MACROD2: variants seen among roughly 807,000 people sequenced by gnomAD.
MACROD2 encodes ADP-ribose glycohydrolase MACROD2.
A neutral mutation model predicts 70.4 loss-of-function variants in MACROD2; 36 were observed. The ratio of observed to expected loss-of-function variants is 0.51; its 90% CI spans 0.39 to 0.68. The LOEUF (loss-of-function observed/expected upper bound fraction) is 0.68. Ranked by LOEUF, MACROD2 falls within the 30% of genes least tolerant of loss-of-function variation. The probability of loss-of-function intolerance (pLI) is 0.00; values close to 1 mark genes in which losing one functional copy is unlikely to be tolerated. For synonymous variants in MACROD2, 172 were observed against 178.8 expected, an observed-to-expected ratio of 0.96 and a Z score of 0.30; for missense variants, 496 against 538.4, an observed-to-expected ratio of 0.92 and a Z score of 0.78.
At chr20:15,659,502 G>A (rs570315941) in intron 8 of MACROD2, among the ~76,000 whole-genome samples, 52 of 151,634 alleles carry the variant, frequency 3.4e-4, no homozygotes, top group African/African-American at 1.2e-3. Context: ...GAAGTTTTTT[G>A]TTGCTTCCCA....
chr20:15,266,890 C>T (rs1367831896), intron 6 of MACROD2, among the ~76,000 whole-genome samples: 1 of 152,324 alleles, frequency 6.6e-6, no homozygotes. Context: ...TTCATCCAGA[C>T]GCCCTTCGCA....
In MACROD2 at chr20:14,881,260, C is replaced by T. The variant is rs141044303; in HGVS notation, c.418+196301C>T. Among the ~76,000 whole-genome samples, 1,316 of 150,086 alleles carry T rather than the reference C, an allele frequency of 8.8e-3. 19 individuals are homozygous for T. The highest frequency in any genetic ancestry group is 0.031 in the African/African-American group (1,250 of 40,726). ...GTCAGCCTGGGTTCTTTCATGCATT[C>T]CCTTCTTCTGGTGGGCTTGACCATA... On this transcript the variant is annotated intron_variant, in intron 5 of 17. Transcript: ENST00000684519.
At chr20:15,817,317 T>C (rs528110559) in intron 8 of MACROD2, among the ~76,000 whole-genome samples, 1 of 152,224 alleles carries the variant, frequency 6.6e-6, no homozygotes, top group Non-Finnish European at 1.5e-5. Context: ...ATTTGAAATA[T>C]CCTACTATTC....
At chr20:14,526,770 C>T (rs1351954763) in intron 4 of MACROD2, among the ~76,000 whole-genome samples, 1 of 152,170 alleles carries the variant, frequency 6.6e-6, no homozygotes, top group Non-Finnish European at 1.5e-5. Flanking sequence ...AACTGACAGG[C>T]TGTGGGGCTC....
chr20:14,775,454 A>C (rs1427920204), intron 5 of MACROD2, among the ~76,000 whole-genome samples: 1 of 152,034 alleles, frequency 6.6e-6, no homozygotes, highest in Non-Finnish European at 1.5e-5. Context: ...TGACATGATG[A>C]GAGAGGAAGC....
At chr20:14,002,815 T>C (rs754647641) in intron 2 of MACROD2, among the ~76,000 whole-genome samples, 42 of 152,142 alleles carry the variant, frequency 2.8e-4, no homozygotes, top group South Asian at 2.1e-4. Context: ...TTAGGAAAAA[T>C]AGAAAAACCA....
At chr20:15,387,162 G>A (rs1269944129) in intron 6 of MACROD2, among the ~76,000 whole-genome samples, 2 of 152,172 alleles carry the variant, frequency 1.3e-5, no homozygotes, top group African/African-American at 4.8e-5. Flanking sequence ...GACCTAGAAT[G>A]CAGGCATATC....
At chr20:15,642,111 TAAAG>T (rs2049468794) in intron 8 of MACROD2, among the ~76,000 whole-genome samples, 1 of 152,084 alleles carries the variant, frequency 6.6e-6, no homozygotes, top group African/African-American at 2.4e-5. Flanking sequence ...AATGAGAACA[TAAAG>T]AAAGGCAAGC....
intron 4 of MACROD2, among the ~76,000 whole-genome samples, chr20:14,605,808 C>G (rs1982763590): frequency 6.6e-6 from 1 of 151,884 alleles, no homozygotes; most frequent in African/African-American, 2.4e-5. Flanking sequence ...CTAAGAGTTA[C>G]TTCTCAAAAT....
At chr20:15,056,399 T>C (rs569605326) in intron 5 of MACROD2, among the ~76,000 whole-genome samples, 1 of 152,298 alleles carries the variant, frequency 6.6e-6, no homozygotes, top group Admixed American at 6.5e-5. Flanking sequence ...GCGAGACTCC[T>C]GTTAACTAGA....
At chr20:15,096,759 G>T (rs935423897) in intron 5 of MACROD2, among the ~76,000 whole-genome samples, 5 of 149,946 alleles carry the variant, frequency 3.3e-5, no homozygotes, top group African/African-American at 1.2e-4. Context: ...TAATCCGCCT[G>T]CCTCGGCCTC....
chr20:15,119,802 T>C (rs999667703), intron 5 of MACROD2, among the ~76,000 whole-genome samples: 3 of 152,236 alleles, frequency 2.0e-5, no homozygotes, highest in Non-Finnish European at 4.4e-5. Context: ...ATACAAAGCA[T>C]ATGCTAATAT....
intron 8 of MACROD2, among the ~76,000 whole-genome samples, chr20:15,508,683 A>G (rs1266976232): frequency 1.3e-5 from 2 of 152,224 alleles, no homozygotes; most frequent in East Asian, 1.9e-4. Flanking sequence ...TTAGCCATAC[A>G]TGAGAATAAA....
chr20:15,499,118 G>A (rs1394165737), intron 7 of MACROD2, among the ~76,000 whole-genome samples: 1 of 152,214 alleles, frequency 6.6e-6, no homozygotes, highest in Non-Finnish European at 1.5e-5. Flanking sequence ...TTCTGAATGT[G>A]TTTTGGAGAC....
chr20:15,536,996 C>T (rs954732829), intron 8 of MACROD2, among the ~76,000 whole-genome samples: 38 of 152,240 alleles, frequency 2.5e-4, no homozygotes, highest in African/African-American at 8.4e-4. Flanking sequence ...CTACCCTCCT[C>T]TGAGATGCTC....
chr20:15,288,057 A>T (rs962899434), intron 6 of MACROD2, among the ~76,000 whole-genome samples: 2 of 152,114 alleles, frequency 1.3e-5, no homozygotes, highest in Non-Finnish European at 2.9e-5. Context: ...ACCTGATTTG[A>T]TTTTGCTTAT....
chr20:15,060,417 G>A (rs1672388556), intron 5 of MACROD2, among the ~76,000 whole-genome samples: 1 of 152,064 alleles, frequency 6.6e-6, no homozygotes, highest in South Asian at 2.1e-4. Context: ...ACCAAGCACG[G>A]CCCAAGACCC....
At chr20:14,743,753 G>A (rs1171879292) in intron 5 of MACROD2, among the ~76,000 whole-genome samples, 1 of 152,184 alleles carries the variant, frequency 6.6e-6, no homozygotes, top group East Asian at 1.9e-4. Context: ...CAGAACCTGT[G>A]AATGTTTCCT....
rs183471383 is a variant in MACROD2 at position 14,576,379 on chromosome 20, G to A, written c.301+82871G>A. Among the ~76,000 whole-genome samples, 846 of 152,246 alleles carry A rather than the reference G, an allele frequency of 5.6e-3. 6 individuals are homozygous for A. Among genetic ancestry groups the A allele is most frequent in the Non-Finnish European group, 7.3e-3 (497 of 68,004 alleles). ...CTGCCACCTGACAGATTTTTCCTCC[G>A]ATTCAAGGAAGCCCTTATGAGAGCC... On this transcript the variant is annotated intron_variant, in intron 4 of 17. Transcript: ENST00000684519.
Sources: allele counts gnomAD v4.1 joint callset (sites outside exome capture counted in the v4.1 genomes callset), GRCh38; gene constraint gnomAD v4.1.1; transcripts MANE v1.5; gene names NCBI Gene and HGNC (gene_info 2026-07-23, HGNC 2026-07-21).